SGCD: variants seen among roughly 807,000 people sequenced by gnomAD.
SGCD encodes sarcoglycan delta.
Under a neutral mutation model 36.6 loss-of-function variants are expected in SGCD, and 18 were observed. The observed-to-expected ratio is 0.49, with a 90% confidence interval of 0.34 to 0.73. SGCD has a LOEUF of 0.73. Among genes scored for constraint, SGCD ranks in the 30% least tolerant of loss-of-function variants. The pLI, the probability that SGCD is intolerant of heterozygous loss-of-function variation, is 0.01. For synonymous variants in SGCD, 133 were observed against 130.6 expected (o/e 1.02, Z -0.12); for missense variants, 387 against 346.7 (o/e 1.12, Z -0.92).
intron 3 of SGCD, among the ~76,000 whole-genome samples, chr5:156,293,733 A>T (rs62380672): frequency 0.062 from 9,418 of 152,170 alleles, 347 homozygotes; most frequent in Non-Finnish European, 0.079. Flanking sequence ...GTAAGTTGTG[A>T]AATCAGGACA....
At chr5:156,230,771 C>T (rs1764996102) in intron 3 of SGCD, among the ~76,000 whole-genome samples, 1 of 152,160 alleles carries the variant, frequency 6.6e-6, no homozygotes, top group African/African-American at 2.4e-5. Flanking sequence ...CACTATATCT[C>T]AGCAACATTA....
chr5:156,200,825 C>T (rs1218705867), intron 3 of SGCD, among the ~76,000 whole-genome samples: 3 of 152,092 alleles, frequency 2.0e-5, no homozygotes, highest in East Asian at 1.9e-4. Flanking sequence ...ATAGCTGATA[C>T]GTGAAAGCAA....
At chr5:156,574,694 A>G (rs893279429) in intron 4 of SGCD, among the ~76,000 whole-genome samples, 1 of 152,132 alleles carries the variant, frequency 6.6e-6, no homozygotes, top group Admixed American at 6.5e-5. Flanking sequence ...GCATTAGACT[A>G]GGCATATTTC....
chr5:155,753,334 T>TCAAAAAAAAAAAAAAAAAAAAAAAA, the SGCD span, among the ~76,000 whole-genome samples: 35 of 135,898 alleles, frequency 2.6e-4, 6 homozygotes, highest in African/African-American at 1.2e-3. Flanking sequence ...AGACTTTGTC[T>TCAAAAAAAAAAAAAAAAAAAAAAAA]AAAAAAAAAA....
intron 4 of SGCD, among the ~76,000 whole-genome samples, chr5:156,553,980 C>G (rs1200722978): frequency 6.6e-6 from 1 of 152,028 alleles, no homozygotes; most frequent in Non-Finnish European, 1.5e-5. Flanking sequence ...ACAGTCGTCC[C>G]CCTTAATCCG....
intron 1 of SGCD, among the ~76,000 whole-genome samples, chr5:156,101,941 TGA>T (rs67401229): frequency 0.017 from 2,318 of 138,080 alleles, 41 homozygotes; most frequent in African/African-American, 0.044. Flanking sequence ...TGTGTGTGTG[TGA>T]GAGAGAGAGA....
chr5:156,583,364 G>A (rs1258229154), intron 4 of SGCD, among the ~76,000 whole-genome samples: 2 of 152,128 alleles, frequency 1.3e-5, no homozygotes, highest in African/African-American at 4.8e-5. Flanking sequence ...AGCAACACGA[G>A]GATTATCCCT....
chr5:156,608,425 C>G (rs964482187), intron 6 of SGCD, among the ~76,000 whole-genome samples: 8 of 152,178 alleles, frequency 5.3e-5, no homozygotes, highest in Non-Finnish European at 7.3e-5. Flanking sequence ...GTTATAATTT[C>G]TGTTCTTTTA....
chr5:156,118,302 AG>A (rs1761951558), intron 2 of SGCD, among the ~76,000 whole-genome samples: 1 of 152,096 alleles, frequency 6.6e-6, no homozygotes, highest in African/African-American at 2.4e-5. Context: ...AATCCTAGAA[AG>A]AGTGGATGTA....
intron 7 of SGCD, among the ~76,000 whole-genome samples, chr5:156,685,960 A>G (rs1753889125): frequency 6.6e-6 from 1 of 152,208 alleles, no homozygotes; most frequent in African/African-American, 2.4e-5. Flanking sequence ...AAAAGTAACC[A>G]CTGGGTACTA....
chr5:155,730,622 C>A, the SGCD span, among the ~76,000 whole-genome samples: 1 of 152,166 alleles, frequency 6.6e-6, no homozygotes, highest in Non-Finnish European at 1.5e-5. Flanking sequence ...GCTTTCCCAG[C>A]ACACACTTGG....
chr5:156,492,311 T>A (rs989364356), intron 3 of SGCD, among the ~76,000 whole-genome samples: 8 of 152,152 alleles, frequency 5.3e-5, no homozygotes, highest in Non-Finnish European at 4.4e-5. Context: ...TGGATTTTTA[T>A]CATAAGGAAT....
At chr5:156,002,252 G>T (rs1758679077) in intron 1 of SGCD, among the ~76,000 whole-genome samples, 1 of 152,092 alleles carries the variant, frequency 6.6e-6, no homozygotes, top group Non-Finnish European at 1.5e-5. Context: ...CACACACAGA[G>T]GGAAGACCAC....
intron 7 of SGCD, among the ~76,000 whole-genome samples, chr5:156,660,426 A>G (rs1253998046): frequency 2.0e-5 from 3 of 152,308 alleles, no homozygotes; most frequent in Non-Finnish European, 4.4e-5. Context: ...TGCATCTCCG[A>G]TGGGTTCATT....
At chr5:156,483,670 T>G in intron 3 of SGCD, among the ~76,000 whole-genome samples, 1 of 152,262 alleles carries the variant, frequency 6.6e-6, no homozygotes, top group East Asian at 1.9e-4. Flanking sequence ...CCTTGGTAAC[T>G]ACCCTGGTGC....
chr5:156,160,363 G>C (rs923157987), intron 3 of SGCD, among the ~76,000 whole-genome samples: 22 of 151,436 alleles, frequency 1.5e-4, no homozygotes, highest in Non-Finnish European at 4.4e-5. Flanking sequence ...TATTAAAAAA[G>C]CTTCACTTTC....
In SGCD at chr5:156,321,684, G is replaced by A. The variant is rs537987437; in HGVS notation, c.-43-7850G>A. On this transcript the variant is annotated intron_variant, in intron 3 of 9. Transcript: ENST00000517913. ...ACCATTCTCCTGGTCACATGGATGA[G>A]CATGTGGCTCAATCTGGAAAATATC... Among the ~76,000 whole-genome samples the A allele has an allele frequency of 2.6e-5, 4 of 152,274 alleles. No homozygotes were observed. The East Asian group carries it at 7.7e-4, about 29-fold the overall frequency.
At position 156,307,882 on chromosome 5, in the gene SGCD, T is replaced by C. The variant is rs112413631; in HGVS notation, c.-43-21652T>C. On this transcript the variant is annotated intron_variant, in intron 3 of 9. Transcript: ENST00000517913. Reference sequence around the variant, plus strand: ...TTTAAGAAACATAAACTGATAATCTTTTAATGCGTTAGTCTATTAAACTAT... The same window carrying C: ...TTTAAGAAACATAAACTGATAATCTCTTAATGCGTTAGTCTATTAAACTAT... Among the ~76,000 whole-genome samples the C allele has an allele frequency of 6.2e-3, 941 of 151,702 alleles. 8 individuals are homozygous for C. Among genetic ancestry groups the C allele is most frequent in the African/African-American group, 0.022 (904 of 41,002 alleles).
At chr5:156,107,700 G>A (rs1471971794) in intron 1 of SGCD, among the ~76,000 whole-genome samples, 4 of 151,888 alleles carry the variant, frequency 2.6e-5, no homozygotes, top group East Asian at 1.9e-4. Context: ...TGTCATTCCC[G>A]CTCTTACCTT....
Sources: allele counts gnomAD v4.1 joint callset (sites outside exome capture counted in the v4.1 genomes callset), GRCh38; gene constraint gnomAD v4.1.1; transcripts MANE v1.5; gene names NCBI Gene and HGNC (gene_info 2026-07-23, HGNC 2026-07-21).